Variants in MOB1A observed in about 807,000 individuals in gnomAD.
MOB1A encodes the protein MOB kinase activator 1A, also known as MOB1 Mps One Binder homolog A.
MOB1A carries 10 observed loss-of-function variants against 25.1 expected under a neutral mutation model. That is an observed-to-expected ratio of 0.40 (90% CI 0.25 to 0.68). The LOEUF (loss-of-function observed/expected upper bound fraction) is 0.68. MOB1A is among the 30% of genes least tolerant of loss of function. MOB1A has a pLI of 0.40. For synonymous variants in MOB1A, 81 were observed against 79.5 expected (o/e 1.02, Z -0.10); for missense variants, 177 against 256.3 (o/e 0.69, Z 2.11).
At chr2:74,159,036 C>T (rs1692883872) in intron 5 of MOB1A, 55 bp downstream of exon 5, 5 of 1,572,236 alleles carry the variant, frequency 3.2e-6, no homozygotes, top group Non-Finnish European at 4.3e-6. Context: ...GTTGAAGTTC[C>T]CAATCCAAAT....
Position 74,156,307 on chromosome 2 carries a change from C to T in MOB1A, c.*261G>A. On this transcript the variant is annotated 3_prime_UTR_variant, in exon 6 of 6. Transcript: ENST00000396049. ...AATTTATAAGCTACAGGTTAACCAT[C>T]ACATATTACAACCAAGTATGACTAT... The T allele has an allele frequency of 2.6e-6, 1 of 382,462 alleles. No individual in the cohort carries two copies. Among genetic ancestry groups the T allele is most frequent in the Non-Finnish European group, 4.7e-6 (1 of 213,518 alleles). The allele number at this position is 382,462 out of a possible 1,614,324, so 23.7% of individuals were successfully genotyped here.
intron 4 of MOB1A, among the ~76,000 whole-genome samples, chr2:74,161,041 CAG>C (rs1692955588): frequency 6.6e-6 from 1 of 152,202 alleles, no homozygotes; most frequent in Non-Finnish European, 1.5e-5. Context: ...GTCTGGGCGG[CAG>C]AGTGAGACTC....
intron 4 of MOB1A, among the ~76,000 whole-genome samples, chr2:74,163,735 C>T (rs1420997879): frequency 6.6e-6 from 1 of 151,922 alleles, no homozygotes; most frequent in Non-Finnish European, 1.5e-5. Context: ...ACATAAAATC[C>T]CTAGAATAAA....
intron 1 of MOB1A, among the ~76,000 whole-genome samples, chr2:74,176,905 T>C (rs997371224): frequency 6.6e-6 from 1 of 152,156 alleles, no homozygotes; most frequent in African/African-American, 2.4e-5. Context: ...TAGTTACCAC[T>C]TAAGCCAGCA....
At chr2:74,166,159 A>G (rs1333295191) in intron 3 of MOB1A, among the ~76,000 whole-genome samples, 1 of 152,082 alleles carries the variant, frequency 6.6e-6, no homozygotes, top group Non-Finnish European at 1.5e-5. Context: ...ATCCCATCAT[A>G]TGATGGACTT....
In MOB1A at chr2:74,165,327, A is replaced by G. The variant is rs1391771649; in HGVS notation, c.300T>C (p.Gly100=). 5 of 1,576,508 alleles carry G rather than the reference A, an allele frequency of 3.2e-6. No homozygotes were observed. Among genetic ancestry groups the G allele is most frequent in the African/African-American group, 1.4e-5 (1 of 73,974 alleles). Residue 100 remains glycine, a synonymous_variant, in exon 4 of 6, where the codon GGT becomes GGC. Transcript: ENST00000396049. Reference sequence around the variant, plus strand: ...ATTTGATTGGCTTTTTAATATTAGTACCATCTGCCCAGTGATATTCATATC... The same window carrying G: ...ATTTGATTGGCTTTTTAATATTAGTGCCATCTGCCCAGTGATATTCATATC... ...GPRYEYHWAD[G]TNIKKPIKCS... is the part of the protein sequence containing the mutation.
Position 74,172,701 on chromosome 2 carries a change from T to C in MOB1A, c.66A>G (p.Gly22=), listed in dbSNP as rs550544137. The change falls in exon 2 of 6, where the codon GGA becomes GGG. Residue 22 remains glycine, a synonymous_variant. Transcript: ENST00000396049. ...GTTTTAAGAGTTCATACTGATGAGATCCTTCAGGGATATTCTTCTTTGGTT... is the reference window on the plus strand; with the variant it reads ...GTTTTAAGAGTTCATACTGATGAGACCCTTCAGGGATATTCTTCTTTGGTT... ...TFKPKKNIPE[G]SHQYELLKHA... 3.7e-6 allele frequency: 6 copies of C among 1,613,968 alleles called. No homozygotes were observed. In the African/African-American group the frequency reaches 5.3e-5, roughly 14 times the overall value.
chr2:74,171,197 G>C (rs1028777025), intron 2 of MOB1A, among the ~76,000 whole-genome samples: 2 of 151,846 alleles, frequency 1.3e-5, no homozygotes, highest in Admixed American at 1.3e-4. Context: ...CAGGAGAATT[G>C]CTTAAACCCG....
At chr2:74,174,469 A>G (rs891785683) in intron 1 of MOB1A, among the ~76,000 whole-genome samples, 3 of 152,088 alleles carry the variant, frequency 2.0e-5, no homozygotes, top group Admixed American at 2.0e-4. Flanking sequence ...AGGGAGGTTT[A>G]GTTCAAAAAT....
At chr2:74,168,396 G>A (rs1693190663) in intron 2 of MOB1A, among the ~76,000 whole-genome samples, 1 of 152,230 alleles carries the variant, frequency 6.6e-6, no homozygotes, top group Non-Finnish European at 1.5e-5. Flanking sequence ...TAGGTGCAGT[G>A]GCTCACGCCT....
chr2:74,171,658 T>G (rs575785821), intron 2 of MOB1A, among the ~76,000 whole-genome samples: 12 of 152,298 alleles, frequency 7.9e-5, no homozygotes, highest in African/African-American at 2.9e-4. Context: ...ATCCTAGCAC[T>G]TTGGGAGGCC....
At chr2:74,175,672 G>C (rs933757515) in intron 1 of MOB1A, among the ~76,000 whole-genome samples, 53 of 152,130 alleles carry the variant, frequency 3.5e-4, no homozygotes, top group Non-Finnish European at 6.9e-4. Flanking sequence ...AAGTTTATCA[G>C]TAGAGGATTG....
chr2:74,160,237 G>A (rs1312625657), intron 4 of MOB1A, among the ~76,000 whole-genome samples: 1 of 152,100 alleles, frequency 6.6e-6, no homozygotes, highest in East Asian at 1.9e-4. Context: ...AATCCAGCAC[G>A]TTGAGAGGCC....
chr2:74,176,125 A>AC (rs1558840671), intron 1 of MOB1A, among the ~76,000 whole-genome samples: 1 of 93,640 alleles, frequency 1.1e-5, no homozygotes, highest in East Asian at 3.0e-4. Context: ...CACACACACA[A>AC]ACTAGCCGGG....
chr2:74,173,204 T>G, intron 1 of MOB1A: 1 of 518,062 alleles, frequency 1.9e-6, no homozygotes, highest in Non-Finnish European at 3.9e-6. Flanking sequence ...CAAGAATGCT[T>G]TTTTTCCCCT....
chr2:74,165,491 A>G (rs1367818832), intron 3 of MOB1A, 140 bp from the exon 4 acceptor site: 2 of 495,498 alleles, frequency 4.0e-6, no homozygotes, highest in Admixed American at 4.1e-5. Flanking sequence ...TCTACTGAAG[A>G]TTACTGTGAG....
Position 74,156,495 on chromosome 2 carries a change from C to T in MOB1A, c.*73G>A, listed in dbSNP as rs779598721. ...TTTTCTTAAAGTTTGTATCACTAGTCTATAACAGATAGCAATGAGATAGTT... is the reference window on the plus strand; with the variant it reads ...TTTTCTTAAAGTTTGTATCACTAGTTTATAACAGATAGCAATGAGATAGTT... On this transcript the variant is annotated 3_prime_UTR_variant, in exon 6 of 6. Coordinates refer to ENST00000396049, the MANE Select transcript of MOB1A (RefSeq NM_018221.5). 5.3e-5 allele frequency: 58 copies of T among 1,086,908 alleles called. No individual in the cohort carries two copies. The highest frequency in any genetic ancestry group is 7.3e-5 in the Non-Finnish European group (53 of 725,610). The allele number at this position is 1,086,908 out of a possible 1,614,324, so 67.3% of individuals were successfully genotyped here.
chr2:74,170,284 C>T (rs375931442), intron 2 of MOB1A, among the ~76,000 whole-genome samples: 12 of 151,436 alleles, frequency 7.9e-5, no homozygotes, highest in Non-Finnish European at 1.3e-4. Flanking sequence ...ACTACAGGTG[C>T]GTGCCACCAC....
At chr2:74,176,083 T>TAAACAC (rs1358627675) in intron 1 of MOB1A, among the ~76,000 whole-genome samples, 47 of 129,316 alleles carry the variant, frequency 3.6e-4, no homozygotes, top group African/African-American at 1.4e-3. Context: ...CCGCCTCTAC[T>TAAACAC]ACACACACAC....
Sources: gnomAD v4.1 joint callset for allele counts (sites outside exome capture counted in the v4.1 genomes callset) on GRCh38, gnomAD v4.1.1 for gene constraint, MANE v1.5 for transcripts, NCBI Gene and HGNC (gene_info 2026-07-23, HGNC 2026-07-21) for gene names.